GPR143: variants seen among roughly 807,000 people sequenced by gnomAD.
The protein encoded by GPR143 is G protein-coupled receptor 143, also known as G-protein coupled receptor 143.
A neutral mutation model predicts 27.6 loss-of-function variants in GPR143; 8 were observed. The observed-to-expected ratio is 0.29, with a 90% confidence interval of 0.17 to 0.52. The LOEUF is 0.52. Among genes scored for constraint, GPR143 ranks in the 20% least tolerant of loss-of-function variants. The probability of loss-of-function intolerance (pLI) is 0.96; values close to 1 mark genes in which losing one functional copy is unlikely to be tolerated. For missense variants in GPR143, 303 were observed against 343.1 expected, an observed-to-expected ratio of 0.88 and a Z score of 0.92; for synonymous variants, 156 against 153.2, an observed-to-expected ratio of 1.02 and a Z score of -0.13.
chrX:9,770,595 T>C (rs1350073056), upstream of GPR143, among the ~76,000 whole-genome samples: 9 of 110,796 alleles, frequency 8.1e-5, no homozygotes, highest in African/African-American at 3.0e-4. Context: ...CTGGCAGATG[T>C]ATTGCTCACC....
intron 6 of GPR143, among the ~76,000 whole-genome samples, chrX:9,741,894 G>C (rs768455553): frequency 1.8e-5 from 2 of 110,858 alleles, no homozygotes; most frequent in East Asian, 5.7e-4. Context: ...CCCTGTCTCA[G>C]AAAGAAAAAG....
Position 9,739,492 on chromosome X carries a change from C to T in GPR143, c.1113G>A (p.Leu371=). The change falls in exon 8 of 9, where the codon CTG becomes CTA. Residue 371 remains leucine (L), a synonymous_variant. Coordinates refer to ENST00000467482, the MANE Select transcript of GPR143 (RefSeq NM_000273.3). The stretch of plus-strand genomic sequence containing the variant: ...TGGCAGACAGGGCATTACCTTCAGA[C>T]AGCATGCTCAGGGCTTCGTCAGAAG... ...GQTSDEALSM[L]SEGSDASTIE... 1.7e-6 allele frequency: 2 copies of T among 1,196,594 alleles called. No homozygotes were observed. Among genetic ancestry groups the T allele is most frequent in the Non-Finnish European group, 1.1e-6 (1 of 882,299 alleles).
At chrX:9,777,137 C>T (rs1216456064) in intron 1 of GPR143, among the ~76,000 whole-genome samples, 2 of 112,558 alleles carry the variant, frequency 1.8e-5, no homozygotes, top group African/African-American at 6.5e-5. Context: ...CCAACCACCA[C>T]TGTATTGTAG....
chrX:9,755,604 G>A (rs758301167), intron 3 of GPR143, among the ~76,000 whole-genome samples: 1 of 110,672 alleles, frequency 9.0e-6, no homozygotes, highest in Admixed American at 9.7e-5. Flanking sequence ...CTATTGCATT[G>A]CATTGCTCTC....
At chrX:9,738,029 G>C (rs2083386356) in intron 8 of GPR143, among the ~76,000 whole-genome samples, 1 of 111,818 alleles carries the variant, frequency 8.9e-6, no homozygotes, top group South Asian at 3.8e-4. Flanking sequence ...CCCTCACAGA[G>C]AGCAGCCTCC....
chrX:9,737,967 T>C (rs2083386085), intron 8 of GPR143, among the ~76,000 whole-genome samples: 1 of 111,919 alleles, frequency 8.9e-6, no homozygotes, highest in African/African-American at 3.3e-5. Context: ...TCCGCTACAC[T>C]CTAGCCTGGA....
In GPR143 at chrX:9,760,711, A is replaced by C. The variant is rs2146700758; in HGVS notation, c.360+6T>G. 1.9e-6 allele frequency: 2 copies of C among 1,038,701 alleles called. No homozygotes were observed. Among genetic ancestry groups the C allele is most frequent in the Non-Finnish European group, 2.7e-6 (2 of 742,893 alleles). 85.6% of individuals were successfully genotyped at this position (1,038,701 alleles called of 1,213,427 possible). On this transcript the variant is annotated splice_donor_region_variant and intron_variant, in intron 2 of 8. Coordinates refer to ENST00000467482, the MANE Select transcript of GPR143 (RefSeq NM_000273.3). Reference sequence around the variant, plus strand: ...AGGAGAGGGCATGCAGAGGGGGTGGACTCACCGCACTCCCCACGCAGAAAG... The same window carrying C: ...AGGAGAGGGCATGCAGAGGGGGTGGCCTCACCGCACTCCCCACGCAGAAAG...
At chrX:9,745,962 GACA>G in intron 5 of GPR143, 79 bp downstream of exon 5, 2 of 601,354 alleles carry the variant, frequency 3.3e-6, no homozygotes, top group Non-Finnish European at 5.9e-6. Flanking sequence ...AGAATTCCAG[GACA>G]ACATGTGTCA....
At chrX:9,776,107 C>A (rs1364836136) in intron 1 of GPR143, among the ~76,000 whole-genome samples, 3 of 112,133 alleles carry the variant, frequency 2.7e-5, no homozygotes, top group Non-Finnish European at 5.6e-5. Flanking sequence ...GGCATGGCTG[C>A]GGTTAAAGCT....
At chrX:9,755,045 C>T (rs1306250929) in intron 3 of GPR143, among the ~76,000 whole-genome samples, 5 of 111,650 alleles carry the variant, frequency 4.5e-5, no homozygotes, top group Admixed American at 1.9e-4. Context: ...AGTAACATAA[C>T]CTGGATGTCA....
chrX:9,761,037 CAG>C (rs996685145), intron 1 of GPR143, among the ~76,000 whole-genome samples: 66 of 110,791 alleles, frequency 6.0e-4, no homozygotes, highest in African/African-American at 1.9e-3. Context: ...TTTGTGTGTG[CAG>C]AGAGAGAAAA....
At chrX:9,756,675 A>G (rs2083475277) in intron 3 of GPR143, among the ~76,000 whole-genome samples, 1 of 112,787 alleles carries the variant, frequency 8.9e-6, no homozygotes, top group African/African-American at 3.2e-5. Flanking sequence ...AATCAAAACC[A>G]TGAGGAGCTA....
intron 8 of GPR143, among the ~76,000 whole-genome samples, chrX:9,726,754 A>G (rs6640488): frequency 0.16 from 18,324 of 111,345 alleles, 1,790 homozygotes; most frequent in East Asian, 0.61. Flanking sequence ...CTACTAATCC[A>G]TTTTAACTAT....
At chrX:9,762,905 G>A (rs747293662) in intron 1 of GPR143, among the ~76,000 whole-genome samples, 2 of 111,379 alleles carry the variant, frequency 1.8e-5, no homozygotes, top group South Asian at 7.5e-4. Flanking sequence ...TAAAGGATAT[G>A]CAAGTATTAT....
intron 4 of GPR143, among the ~76,000 whole-genome samples, chrX:9,747,162 A>G (rs1303883101): frequency 3.6e-5 from 4 of 110,270 alleles, no homozygotes; most frequent in African/African-American, 1.3e-4. Flanking sequence ...CTAAAATTCA[A>G]TCTGGAAAGG....
intron 6 of GPR143, among the ~76,000 whole-genome samples, chrX:9,743,130 G>C (rs2083411802): frequency 1.0e-5 from 1 of 100,307 alleles, no homozygotes; most frequent in Admixed American, 1.2e-4. Context: ...AAGATCACTT[G>C]AGCCCTAAAG....
chrX:9,736,345 G>A (rs189925028), intron 8 of GPR143, among the ~76,000 whole-genome samples: 216 of 111,798 alleles, frequency 1.9e-3, no homozygotes, highest in Non-Finnish European at 3.5e-3. Flanking sequence ...TCCTGCATAG[G>A]GTTACCATAC....
At chrX:9,753,261 G>A (rs1040173556) in intron 3 of GPR143, among the ~76,000 whole-genome samples, 1 of 110,162 alleles carries the variant, frequency 9.1e-6, no homozygotes, top group Non-Finnish European at 1.9e-5. Context: ...AGGAGACTGA[G>A]GCAGGAGAGT....
chrX:9,748,532 G>A, intron 4 of GPR143, 42 bp downstream of exon 4: 1 of 885,419 alleles, frequency 1.1e-6, no homozygotes, highest in Non-Finnish European at 1.7e-6. Flanking sequence ...CACATTATGA[G>A]CCAAGGATGG....
Sources: allele counts gnomAD v4.1 joint callset (sites outside exome capture counted in the v4.1 genomes callset), GRCh38; gene constraint gnomAD v4.1.1; transcripts MANE v1.5; gene names NCBI Gene and HGNC (gene_info 2026-07-23, HGNC 2026-07-21).